The following GREB1 variants were observed in gnomAD, a reference collection of about 807,000 sequenced individuals.
GREB1 encodes growth regulating estrogen receptor binding 1.
In GREB1, 106 loss-of-function variants were observed where a neutral mutation model predicts 200.7. That is an observed-to-expected ratio of 0.53 (90% CI 0.45 to 0.62). The LOEUF (loss-of-function observed/expected upper bound fraction) is 0.62. GREB1 is among the 20% of genes least tolerant of loss of function. The pLI, the probability that GREB1 is intolerant of heterozygous loss-of-function variation, is 0.00. For synonymous variants in GREB1, 1,132 were observed against 1,092.4 expected, an observed-to-expected ratio of 1.04 and a Z score of -0.72; for missense variants, 2,243 against 2,556.8, an observed-to-expected ratio of 0.88 and a Z score of 2.65.
In GREB1 at chr2:11,588,858, C is replaced by T. The variant is rs762101287; in HGVS notation, c.1272C>T (p.Tyr424=). The change falls in exon 10 of 33, where the codon TAC becomes TAT. Residue 424 remains tyrosine (Y), a synonymous_variant. Coordinates refer to ENST00000381486, the MANE Select transcript of GREB1 (RefSeq NM_014668.4). ...SQSVSRAYEQ[Y]GASAIQPISE... is the part of the protein sequence containing the mutation. ...CTGTCTCACGGGCATACGAGCAGTA[C>T]GGCGCCTCTGCCATCCAGCCCATCT... The T allele has an allele frequency of 1.8e-5, 29 of 1,613,972 alleles. No homozygotes were observed. Among genetic ancestry groups the T allele is most frequent in the East Asian group, 1.1e-4 (5 of 44,888 alleles).
chr2:11,627,950 A>C (rs1205548323), intron 25 of GREB1, among the ~76,000 whole-genome samples: 1 of 152,132 alleles, frequency 6.6e-6, no homozygotes, highest in Non-Finnish European at 1.5e-5. Context: ...GAGGGACAGC[A>C]TGTGTGGGAG....
At chr2:11,540,151 GT>G (rs1674620669) in intron 1 of GREB1, 1 of 152,334 alleles carries the variant, frequency 6.6e-6, no homozygotes, top group African/African-American at 2.4e-5. Flanking sequence ...TGCTTTGGGG[GT>G]TGGAGAGGTT....
chr2:11,618,250 C>T (rs767346316), intron 21 of GREB1, 38 bp from the exon 22 acceptor site: 1 of 1,529,562 alleles, frequency 6.5e-7, no homozygotes, highest in South Asian at 1.3e-5. Context: ...GGACAGGTAC[C>T]TTCTAGGACG....
chr2:11,602,340 C>A (rs189789823), intron 16 of GREB1, 66 bp from the exon 17 acceptor site: 2 of 1,489,910 alleles, frequency 1.3e-6, no homozygotes, highest in African/African-American at 1.4e-5. Context: ...GCAGGCCTGG[C>A]ACACGAACCT....
upstream of GREB1, among the ~76,000 whole-genome samples, chr2:11,532,102 G>T (rs902788244): frequency 1.3e-5 from 2 of 152,140 alleles, no homozygotes; most frequent in Non-Finnish European, 2.9e-5. Flanking sequence ...GTCAACATTA[G>T]CAAGAATAAA....
intron 1 of GREB1, among the ~76,000 whole-genome samples, chr2:11,484,766 G>A (rs894225198): frequency 6.6e-5 from 10 of 152,212 alleles, no homozygotes; most frequent in African/African-American, 2.4e-4. Flanking sequence ...GCACGTAGCA[G>A]GGGGTGAAAA....
At chr2:11,527,849 A>G (rs1321864981) in intron 1 of GREB1, among the ~76,000 whole-genome samples, 1 of 152,200 alleles carries the variant, frequency 6.6e-6, no homozygotes, top group East Asian at 1.9e-4. Context: ...CCCTAATCCC[A>G]AAAGCATTCT....
chr2:11,546,638 A>G (rs902034567), intron 1 of GREB1, among the ~76,000 whole-genome samples: 11 of 152,190 alleles, frequency 7.2e-5, no homozygotes, highest in African/African-American at 2.4e-4. Context: ...AACTTTCTCA[A>G]GTGGTTCTGG....
intron 3 of GREB1, among the ~76,000 whole-genome samples, 183 bp from the exon 4 acceptor site, chr2:11,566,297 G>T (rs1417854532): frequency 1.3e-5 from 2 of 152,132 alleles, no homozygotes; most frequent in African/African-American, 4.8e-5. Flanking sequence ...GATTACAGGC[G>T]TGAGCTACCA....
At chr2:11,501,091 G>A (rs937438481) in intron 1 of GREB1, among the ~76,000 whole-genome samples, 15 of 152,172 alleles carry the variant, frequency 9.9e-5, no homozygotes, top group African/African-American at 3.6e-4. Context: ...CTTGAGGGTA[G>A]GAATCAGGGA....
chr2:11,521,727 A>G (rs914065748), intron 1 of GREB1, among the ~76,000 whole-genome samples: 2 of 152,240 alleles, frequency 1.3e-5, no homozygotes, highest in Non-Finnish European at 2.9e-5. Context: ...CGTGTAAATA[A>G]ATCTACTTGA....
chr2:11,575,551 G>A (rs73915435), intron 4 of GREB1, among the ~76,000 whole-genome samples: 2,167 of 152,326 alleles, frequency 0.014, 59 homozygotes, highest in African/African-American at 0.049. Flanking sequence ...GCCTGGTGCA[G>A]AGGCCAGCAG....
chr2:11,538,909 TCCC>T (rs1491344533), intron 1 of GREB1, among the ~76,000 whole-genome samples: 3 of 20,944 alleles, frequency 1.4e-4, no homozygotes, highest in Non-Finnish European at 3.1e-4. Context: ...CTTCCTTCCT[TCCC>T]CCTCCCCTCC....
At chr2:11,567,071 C>T (rs1318910465) in intron 4 of GREB1, among the ~76,000 whole-genome samples, 1 of 152,124 alleles carries the variant, frequency 6.6e-6, no homozygotes, top group Non-Finnish European at 1.5e-5. Flanking sequence ...TATCTGTTTT[C>T]CCCTTTGGTT....
intron 1 of GREB1, among the ~76,000 whole-genome samples, chr2:11,491,404 G>T (rs1452560421): frequency 6.6e-6 from 1 of 152,170 alleles, no homozygotes; most frequent in Non-Finnish European, 1.5e-5. Context: ...CTTATTAGAA[G>T]GCTGAGTTAA....
rs78661109 is a variant in GREB1, at chr2:11,503,466, G to A, written c.-159+21085G>A. Reference sequence around the variant, plus strand: ...ATTGTTTCCTTTTTTATAATATTATGACAAATGTTGCTCTGATCATCCTTT... The same window carrying A: ...ATTGTTTCCTTTTTTATAATATTATAACAAATGTTGCTCTGATCATCCTTT... On this transcript the variant is annotated intron_variant, in intron 1 of 2. Coordinates refer to the GREB1 transcript ENST00000628795. Among the ~76,000 whole-genome samples, 4 of 152,116 alleles carry A rather than the reference G, an allele frequency of 2.6e-5. No individual in the cohort carries two copies. In the East Asian group the frequency reaches 7.7e-4, roughly 29 times the overall value.
At position 11,544,946 on chromosome 2, in the gene GREB1, T is replaced by C. The variant is rs184850849; in HGVS notation, c.-162+10692T>C. 4.1e-3 allele frequency among the ~76,000 whole-genome samples: 629 copies of C among 151,970 alleles called. 3 individuals are homozygous for C. Among genetic ancestry groups the C allele is most frequent in the Non-Finnish European group, 7.5e-3 (508 of 67,946 alleles). Reference sequence around the variant, plus strand: ...TCTTGTGCCTCAGCCTCCCGAGTAGTGAGGATTACAGGCGCCTGCCACCAT... The same window carrying C: ...TCTTGTGCCTCAGCCTCCCGAGTAGCGAGGATTACAGGCGCCTGCCACCAT... On this transcript the variant is annotated intron_variant, in intron 1 of 32. Coordinates refer to ENST00000381486, the MANE Select transcript of GREB1 (RefSeq NM_014668.4).
rs996399098 is a variant in GREB1 at position 11,548,180 on chromosome 2, A to G, written c.-161-8274A>G. Among the ~76,000 whole-genome samples the G allele has an allele frequency of 6.6e-6, 1 of 151,872 alleles. No individual in the cohort carries two copies. The highest frequency in any genetic ancestry group is 6.6e-5 in the Admixed American group (1 of 15,252). ...AACAGAGCAAGACCCTGTCTCCAAA[A>G]AAAAAAAAACCCACCACACATTCTC... is the stretch of plus-strand genomic sequence containing the variant. On this transcript the variant is annotated intron_variant, in intron 1 of 32. Transcript: ENST00000381486. This position sits in a 1 kb window ranked among gnomAD's most constrained non-coding sequence, Gnocchi z 5.1.
chr2:11,635,517 G>A, intron 30 of GREB1, 112 bp downstream of exon 30: 1 of 1,257,704 alleles, frequency 8.0e-7, no homozygotes, highest in Non-Finnish European at 1.1e-6. Flanking sequence ...AAGCGCATGG[G>A]GCAGGGCCCT....
Sources: allele counts gnomAD v4.1 joint callset (sites outside exome capture counted in the v4.1 genomes callset), GRCh38; gene constraint gnomAD v4.1.1; non-coding constraint Gnocchi (gnomAD v3.1); transcripts MANE v1.5; gene names NCBI Gene and HGNC (gene_info 2026-07-23, HGNC 2026-07-21).